Variants in AGO2 observed in about 807,000 individuals in gnomAD.
AGO2 encodes the protein argonaute RISC catalytic component 2.
A neutral mutation model predicts 102.3 loss-of-function variants in AGO2; 5 were observed. The ratio of observed to expected loss-of-function variants is 0.05; its 90% CI spans 0.03 to 0.10. The LOEUF is 0.10. Ranked by LOEUF, AGO2 falls within the 10% of genes least tolerant of loss-of-function variation. The probability of loss-of-function intolerance (pLI) is 1.00; values close to 1 mark genes in which losing one functional copy is unlikely to be tolerated. For missense variants in AGO2, 541 were observed against 1,183.7 expected (o/e 0.46, Z 7.97); for synonymous variants, 449 against 473.1 (o/e 0.95, Z 0.66).
chr8:140,634,552 C>G (rs150443889), intron 1 of AGO2, among the ~76,000 whole-genome samples: 81 of 152,362 alleles, frequency 5.3e-4, no homozygotes, highest in African/African-American at 1.8e-3. Flanking sequence ...AACACCTGAC[C>G]GTTTTTTTGG....
In AGO2 at chr8:140,523,813, C is replaced by G. The variant is rs1244064100; in HGVS notation, c.*8231G>C. ...GCCGTTGCCTCTGTGGAGGGAGAGG[C>G]CATTCCTTGCCTTGCAGGATGGTGG... On this transcript the variant is annotated 3_prime_UTR_variant, in exon 19 of 19. Transcript: ENST00000220592. 1 of 152,046 alleles carries G rather than the reference C, an allele frequency of 6.6e-6. No individual in the cohort carries two copies. The highest frequency in any genetic ancestry group is 2.4e-5 in the African/African-American group (1 of 41,370). The allele number at this position is 152,046 out of a possible 1,614,324, so 9.4% of individuals were successfully genotyped here. A position where few individuals can be genotyped will look rare whatever the true frequency, so the allele number is the denominator to read the frequency against.
At chr8:140,570,063 C>T (rs1284481887) in intron 3 of AGO2, among the ~76,000 whole-genome samples, 2 of 152,260 alleles carry the variant, frequency 1.3e-5, no homozygotes, top group Admixed American at 6.5e-5. Flanking sequence ...CACCGCCTTA[C>T]GCAGGCTCTC....
At chr8:140,630,145 G>A (rs1402415528) in intron 1 of AGO2, among the ~76,000 whole-genome samples, 1 of 152,220 alleles carries the variant, frequency 6.6e-6, no homozygotes, top group Non-Finnish European at 1.5e-5. Flanking sequence ...TTCAGGAAGT[G>A]CAGTGCCATC....
chr8:140,625,233 G>A (rs79170247), intron 1 of AGO2, among the ~76,000 whole-genome samples: 5,562 of 152,294 alleles, frequency 0.037, 279 homozygotes, highest in African/African-American at 0.11. Flanking sequence ...CACCTCCTGG[G>A]TAGCTGGAAT....
At chr8:140,635,834 G>C (rs1435558674), upstream of AGO2, among the ~76,000 whole-genome samples, 1 of 144,974 alleles carries the variant, frequency 6.9e-6, no homozygotes, top group African/African-American at 2.5e-5. Context: ...GGCCTGGGGC[G>C]GGGACCCGGG....
chr8:140,556,989 T>A, intron 8 of AGO2, 100 bp downstream of exon 8: 1 of 1,474,290 alleles, frequency 6.8e-7, no homozygotes. Context: ...GTGCCATTTG[T>A]ATCTGACTGG....
rs2072954082 is a variant in AGO2 at position 140,549,219 on chromosome 8, C to T, written c.1483G>A (p.Ala495Thr). 3.1e-6 allele frequency: 5 copies of T among 1,613,682 alleles called. No homozygotes were observed. Among genetic ancestry groups the T allele is most frequent in the Non-Finnish European group, 4.2e-6 (5 of 1,179,792 alleles). ...IQGQPCFCKY[A>T]QGADSVEPMF... ...GGCTCCACGCTGTCCGCCCCCTGCG[C>T]GTATTTGCAGAAGCACGGCTGGCCC... Residue 495 changes from alanine (A) to threonine (T), a missense_variant, in exon 12 of 19, where the codon GCG becomes ACG. Transcript: ENST00000220592.
chr8:140,593,550 TAAA>T lies in AGO2; in HGVS notation c.23-8242_23-8240del, dbSNP rs201599088. 3.4e-3 allele frequency among the ~76,000 whole-genome samples: 458 copies of T among 135,410 alleles called. 1 individual carries two copies. The highest frequency in any genetic ancestry group is 4.0e-3 in the African/African-American group (144 of 36,058). 88.8% of individuals were successfully genotyped at this position (135,410 alleles called of 152,430 possible). A position where few individuals can be genotyped will look rare whatever the true frequency, so the allele number is the denominator to read the frequency against. On this transcript the variant is annotated intron_variant, in intron 1 of 18. Transcript: ENST00000220592. ...ATCTGTGCTAAGCAGCTAGGAAAGT[TAAA>T]AAAAAAAAAAAAAAAAAACTTTGTG...
the AGO2 span, among the ~76,000 whole-genome samples, chr8:140,641,274 T>C: frequency 6.8e-6 from 1 of 146,676 alleles, no homozygotes; most frequent in South Asian, 2.2e-4. Flanking sequence ...GTCTGGGTGA[T>C]AGAGCAAGAC....
chr8:140,612,091 C>G (rs1205457242), intron 1 of AGO2, among the ~76,000 whole-genome samples: 1 of 151,810 alleles, frequency 6.6e-6, no homozygotes, highest in Non-Finnish European at 1.5e-5. Context: ...GGAGCAGTGG[C>G]GGGCGCCTGT....
chr8:140,619,118 G>A (rs1039489432), intron 1 of AGO2, among the ~76,000 whole-genome samples: 4 of 152,048 alleles, frequency 2.6e-5, no homozygotes, highest in African/African-American at 9.6e-5. Flanking sequence ...GCAGACAGAG[G>A]CTGCCATGGA....
At chr8:140,595,335 G>C (rs2073809831) in intron 1 of AGO2, among the ~76,000 whole-genome samples, 1 of 151,978 alleles carries the variant, frequency 6.6e-6, no homozygotes, top group Non-Finnish European at 1.5e-5. Context: ...TACACATTTG[G>C]GGTATGAAAG....
At position 140,557,070 on chromosome 8, in the gene AGO2, C is replaced by A; in HGVS notation, c.1026+19G>T. On this transcript the variant is annotated intron_variant, in intron 8 of 18. Coordinates refer to ENST00000220592, the MANE Select transcript of AGO2 (RefSeq NM_012154.5). This position sits in a 1 kb window ranked among gnomAD's most constrained non-coding sequence, Gnocchi z 5.9. The stretch of plus-strand genomic sequence containing the variant: ...GCCCTCCCAAGCCCCCAGAGACACA[C>A]AGGAAGAGGGTGACTTGCCTCCAGG... 2 of 1,607,184 alleles carry A rather than the reference C, an allele frequency of 1.2e-6. No individual in the cohort carries two copies. The highest frequency in any genetic ancestry group is 1.7e-6 in the Non-Finnish European group (2 of 1,175,968).
chr8:140,632,806 G>A (rs1200659317), intron 1 of AGO2, among the ~76,000 whole-genome samples: 1 of 152,092 alleles, frequency 6.6e-6, no homozygotes, highest in Admixed American at 6.5e-5. Context: ...TTTGTGATTG[G>A]TATAATGTAG....
rs765051986 is a variant in AGO2 at position 140,551,290 on chromosome 8, G to T, written c.1403+13C>A. The T allele has an allele frequency of 6.6e-7, 1 of 1,512,414 alleles. No individual in the cohort carries two copies. The highest frequency in any genetic ancestry group is 1.3e-5 in the South Asian group (1 of 78,746). 93.7% of individuals were successfully genotyped at this position (1,512,414 alleles called of 1,614,324 possible). ...CACCCCCAGGCCGGAGCCTCTGCCT[G>T]TGGGGGGCTTACTTCAGATGGACTT... On this transcript the variant is annotated intron_variant, in intron 11 of 18. Transcript: ENST00000220592.
rs1185769373 is a variant in AGO2 at position 140,607,499 on chromosome 8, TATATATATATATATATAC to T, written c.23-22206_23-22189del. 4.7e-3 allele frequency among the ~76,000 whole-genome samples: 60 copies of T among 12,632 alleles called. 2 individuals carry two copies. Among genetic ancestry groups the T allele is most frequent in the African/African-American group, 0.012 (46 of 3,740 alleles). 8.3% of individuals were successfully genotyped at this position (12,632 alleles called of 152,430 possible). Reference sequence around the variant, plus strand: ...ATATATATATATATATATATATATATATATATATATATATATACACACACACACACGTATGGAAAAAAA... The same window carrying T: ...ATATATATATATATATATATATATATACACACACACACGTATGGAAAAAAA... On this transcript the variant is annotated intron_variant, in intron 1 of 18. Coordinates refer to ENST00000220592, the MANE Select transcript of AGO2 (RefSeq NM_012154.5).
rs1327327255 is a variant in AGO2, at chr8:140,525,819, C to G, written c.*6225G>C. ...GAAAGAAGCGAAGGAGGCCCCGGGC[C>G]CACAGCACAGTGTATGGGAAAATGA... On this transcript the variant is annotated 3_prime_UTR_variant, in exon 19 of 19. Transcript: ENST00000220592. 2.0e-5 allele frequency: 3 copies of G among 152,198 alleles called. No homozygotes were observed. Among genetic ancestry groups the G allele is most frequent in the African/African-American group, 7.2e-5 (3 of 41,408 alleles). 9.4% of individuals were successfully genotyped at this position (152,198 alleles called of 1,614,324 possible).
chr8:140,625,013 C>A (rs969289391), intron 1 of AGO2, among the ~76,000 whole-genome samples: 63 of 152,304 alleles, frequency 4.1e-4, no homozygotes, highest in African/African-American at 1.5e-3. Context: ...AGGAAGGCCT[C>A]CCTGCTTCCA....
At chr8:140,632,001 T>C (rs2074348216) in intron 1 of AGO2, among the ~76,000 whole-genome samples, 1 of 152,256 alleles carries the variant, frequency 6.6e-6, no homozygotes. Flanking sequence ...TCAAATGTTA[T>C]GTTTTGAAGA....
Sources: allele counts gnomAD v4.1 joint callset (sites outside exome capture counted in the v4.1 genomes callset), GRCh38; gene constraint gnomAD v4.1.1; non-coding constraint Gnocchi (gnomAD v3.1); transcripts MANE v1.5; gene names NCBI Gene and HGNC (gene_info 2026-07-23, HGNC 2026-07-21).